The following POLR2B variants were observed in gnomAD, a reference collection of about 807,000 sequenced individuals.
The protein encoded by POLR2B is DNA-directed RNA polymerase II subunit RPB2.
Under a neutral mutation model 144.6 loss-of-function variants are expected in POLR2B, and 57 were observed. That is an observed-to-expected ratio of 0.39 (90% CI 0.32 to 0.49). The LOEUF is 0.49. Among genes scored for constraint, POLR2B ranks in the 20% least tolerant of loss-of-function variants. The pLI is 0.83. For synonymous variants in POLR2B, 442 were observed against 469.8 expected (o/e 0.94, Z 0.77); for missense variants, 595 against 1,467.4 (o/e 0.41, Z 9.71).
At position 57,023,138 on chromosome 4, in the gene POLR2B, T is replaced by G; in HGVS notation, c.2516-192T>G. 1.9e-6 allele frequency: 1 copy of G among 540,052 alleles called. No individual in the cohort carries two copies. The highest frequency in any genetic ancestry group is 3.2e-6 in the Non-Finnish European group (1 of 309,836). 33.5% of individuals were successfully genotyped at this position (540,052 alleles called of 1,614,324 possible). On this transcript the variant is annotated intron_variant, in intron 18 of 24. Transcript: ENST00000314595. This position sits in a 1 kb window ranked among gnomAD's most constrained non-coding sequence, Gnocchi z 4.3. ...CTGATTCCAATGTTCTTTTCCTTCA[T>G]AGACTTTTTTTTTTGTTTTCTGTGT...
chr4:57,001,195 G>T (rs963137653), intron 7 of POLR2B, among the ~76,000 whole-genome samples: 3 of 151,498 alleles, frequency 2.0e-5, no homozygotes, highest in Non-Finnish European at 4.4e-5. Context: ...TTGGAGACAA[G>T]GTCGCGCTTT....
intron 18 of POLR2B, 107 bp downstream of exon 18, chr4:57,022,353 C>G: frequency 1.5e-6 from 1 of 657,464 alleles, no homozygotes; most frequent in South Asian, 1.9e-5. Context: ...CTGTCCTCCT[C>G]TCCCTTTTTT....
At chr4:57,016,477 GTT>G (rs1491132967) in intron 14 of POLR2B, among the ~76,000 whole-genome samples, 5 of 151,630 alleles carry the variant, frequency 3.3e-5, no homozygotes, top group Admixed American at 3.3e-4. Context: ...GGAGTAGTGA[GTT>G]TTGATTGTAC....
intron 23 of POLR2B, among the ~76,000 whole-genome samples, chr4:57,029,550 A>G (rs1010384546): frequency 3.3e-5 from 5 of 152,270 alleles, no homozygotes; most frequent in African/African-American, 1.2e-4. Flanking sequence ...GGAAGCCATC[A>G]CCATCTATTT....
At chr4:57,004,686 C>G (rs1022709960) in intron 7 of POLR2B, among the ~76,000 whole-genome samples, 2 of 152,056 alleles carry the variant, frequency 1.3e-5, no homozygotes, top group African/African-American at 2.4e-5. Context: ...AAGAAACGCA[C>G]CACTCTTTTT....
chr4:57,015,559 C>A lies in POLR2B; in HGVS notation c.1858C>A (p.Arg620Ser). 6.7e-7 allele frequency: 1 copy of A among 1,488,916 alleles called. No homozygotes were observed. The highest frequency in any genetic ancestry group is 1.4e-5 in the South Asian group (1 of 69,704). 92.2% of individuals were successfully genotyped at this position (1,488,916 alleles called of 1,614,324 possible). ...REIRIYTDAG[R>S]ICRPLLIVEK... is the part of the protein sequence containing the mutation. ...GATTCGGATCTATACGGATGCAGGCCGTATTTGTAGACCACTTCTGATTGT... is the reference window on the plus strand; with the variant it reads ...GATTCGGATCTATACGGATGCAGGCAGTATTTGTAGACCACTTCTGATTGT... Residue 620 changes from arginine to serine, a missense_variant, in exon 14 of 25, where the codon CGT (arginine) becomes AGT (serine). Arg to Ser is a moderately radical substitution (Grantham distance 110, BLOSUM62 -1). Coordinates refer to ENST00000314595, the MANE Select transcript of POLR2B (RefSeq NM_000938.3).
At chr4:56,980,799 T>G (rs544877360) in intron 1 of POLR2B, among the ~76,000 whole-genome samples, 3 of 151,828 alleles carry the variant, frequency 2.0e-5, no homozygotes, top group Non-Finnish European at 2.9e-5. Flanking sequence ...GAGGTTCTTA[T>G]CACTCCACAG....
intron 10 of POLR2B, 188 bp from the exon 11 acceptor site, chr4:57,010,173 T>C (rs1723144406): frequency 1.8e-6 from 1 of 561,282 alleles, no homozygotes; most frequent in Admixed American, 3.2e-5. Flanking sequence ...TGTTTGAATA[T>C]ATTTGCCATC....
intron 1 of POLR2B, chr4:56,985,381 G>A (rs1257449433): frequency 1.4e-5 from 14 of 985,198 alleles, no homozygotes; most frequent in African/African-American, 1.7e-5. Flanking sequence ...AGGGACGGGC[G>A]GCGGGCTCGG....
chr4:56,992,263 G>C (rs1207595140), intron 3 of POLR2B, among the ~76,000 whole-genome samples: 3 of 151,594 alleles, frequency 2.0e-5, no homozygotes, highest in African/African-American at 7.3e-5. Flanking sequence ...AAGAGTTTGA[G>C]ACCAGCCTGG....
At chr4:57,019,594 A>C (rs540864189) in intron 16 of POLR2B, among the ~76,000 whole-genome samples, 1 of 152,058 alleles carries the variant, frequency 6.6e-6, no homozygotes, top group Admixed American at 6.6e-5. Context: ...GAACCACATG[A>C]GAGTAAGTTG....
chr4:57,022,094 G>A (rs1463061213), intron 17 of POLR2B, 58 bp from the exon 18 acceptor site: 1 of 963,410 alleles, frequency 1.0e-6, no homozygotes, highest in Non-Finnish European at 1.6e-6. Context: ...TGTTGGTATA[G>A]TCTCAGCCCT....
intron 16 of POLR2B, 86 bp from the exon 17 acceptor site, chr4:57,020,813 T>C: frequency 2.5e-6 from 2 of 801,568 alleles, no homozygotes; most frequent in South Asian, 1.4e-5. Context: ...ATGGCAAATA[T>C]GATGTAATTA....
Position 57,024,213 on chromosome 4 carries a change from A to G in POLR2B, c.2964+101A>G, listed in dbSNP as rs537598857. On this transcript the variant is annotated intron_variant, in intron 21 of 24. Transcript: ENST00000314595. ...ATTTGAGCCAGGGTACTTTGTAAAA[A>G]GCTAGTGTGAGACTTACTTTTCTGC... The G allele has an allele frequency of 1.3e-4, 76 of 601,040 alleles. 3 individuals are homozygous for G. In the South Asian group the frequency reaches 1.9e-3, roughly 15 times the overall value. The allele number at this position is 601,040 out of a possible 1,614,324, so 37.2% of individuals were successfully genotyped here. A position where few individuals can be genotyped will look rare whatever the true frequency, so the allele number is the denominator to read the frequency against.
At chr4:57,001,305 C>T (rs1439331358) in intron 7 of POLR2B, among the ~76,000 whole-genome samples, 5 of 152,036 alleles carry the variant, frequency 3.3e-5, no homozygotes, top group African/African-American at 7.2e-5. Flanking sequence ...ATTACAGGCA[C>T]GTGCCACCAC....
At chr4:56,988,396 G>A (rs555418378) in intron 2 of POLR2B, among the ~76,000 whole-genome samples, 4 of 152,178 alleles carry the variant, frequency 2.6e-5, no homozygotes, top group South Asian at 4.2e-4. Flanking sequence ...GAGGTGGCTC[G>A]CACCTGCCCG....
intron 1 of POLR2B, among the ~76,000 whole-genome samples, chr4:56,980,172 T>C (rs1203539490): frequency 2.0e-5 from 3 of 151,484 alleles, no homozygotes; most frequent in African/African-American, 7.3e-5. Context: ...ACCATCTGCC[T>C]GTCTCGGCCT....
chr4:57,006,734 C>CT (rs146021754), intron 9 of POLR2B, 82 bp from the exon 10 acceptor site: 207,933 of 1,162,026 alleles, frequency 0.18, 24,529 homozygotes, highest in East Asian at 0.64. Flanking sequence ...CTTCCCCACG[C>CT]TTTTTTTTGC....
intron 1 of POLR2B, among the ~76,000 whole-genome samples, chr4:56,979,216 G>C (rs568198917): frequency 7.2e-5 from 11 of 152,292 alleles, no homozygotes; most frequent in African/African-American, 2.6e-4. Flanking sequence ...TACGTTCACT[G>C]CTGCTCTCTG....
Sources: allele counts gnomAD v4.1 joint callset (sites outside exome capture counted in the v4.1 genomes callset), GRCh38; gene constraint gnomAD v4.1.1; non-coding constraint Gnocchi (gnomAD v3.1); transcripts MANE v1.5; gene names NCBI Gene and HGNC (gene_info 2026-07-23, HGNC 2026-07-21).